Variants in ABHD2 observed in about 807,000 individuals in gnomAD.
ABHD2 encodes the protein abhydrolase domain containing 2, acylglycerol lipase, also known as monoacylglycerol lipase ABHD2.
In ABHD2, 20 loss-of-function variants were observed where a neutral mutation model predicts 48.1. The ratio of observed to expected loss-of-function variants is 0.42; its 90% CI spans 0.29 to 0.60. The LOEUF (loss-of-function observed/expected upper bound fraction) is 0.60. Among genes scored for constraint, ABHD2 ranks in the 20% least tolerant of loss-of-function variants. The pLI, the probability that ABHD2 is intolerant of heterozygous loss-of-function variation, is 0.24. For synonymous variants in ABHD2, 209 were observed against 214.2 expected (o/e 0.98, Z 0.21); for missense variants, 405 against 550.9 (o/e 0.74, Z 2.65).
the ABHD2 span, among the ~76,000 whole-genome samples, chr15:89,062,828 A>AG: frequency 1.1e-4 from 17 of 152,306 alleles, 1 homozygote; most frequent in East Asian, 2.9e-3. Flanking sequence ...GAGACGCTAA[A>AG]GCCGGCCTGT....
At chr15:89,159,446 C>G (rs1042554016) in intron 5 of ABHD2, among the ~76,000 whole-genome samples, 2 of 152,126 alleles carry the variant, frequency 1.3e-5, no homozygotes, top group African/African-American at 4.8e-5. Context: ...TGTGCTGCAG[C>G]AGCATGGAGA....
the ABHD2 span, among the ~76,000 whole-genome samples, chr15:89,059,522 G>A: frequency 6.6e-6 from 1 of 152,094 alleles, no homozygotes; most frequent in African/African-American, 2.4e-5. Context: ...CACAATGTTG[G>A]GCAGACAGTG....
rs1596160029 is a variant in ABHD2 at position 89,186,720 on chromosome 15, G to A, written c.815+1204G>A. 1.3e-5 allele frequency among the ~76,000 whole-genome samples: 2 copies of A among 152,042 alleles called. No homozygotes were observed. The highest frequency in any genetic ancestry group is 1.9e-4 in the East Asian group (1 of 5,198). ...CCCAGCACCCGAGACACACCCGTTC[G>A]CTCAAAAAAATTTGGGGGATTTTTG... On this transcript the variant is annotated intron_variant, in intron 7 of 10. Coordinates refer to ENST00000352732, the MANE Select transcript of ABHD2 (RefSeq NM_152924.5). This position sits in a 1 kb window ranked among gnomAD's most constrained non-coding sequence, Gnocchi z 4.3.
At chr15:89,171,182 T>G (rs939748842) in intron 5 of ABHD2, among the ~76,000 whole-genome samples, 2 of 152,160 alleles carry the variant, frequency 1.3e-5, no homozygotes, top group African/African-American at 4.8e-5. Context: ...CAAAGTGTGG[T>G]CTCTGGACCA....
At chr15:89,159,591 G>A (rs895187712) in intron 5 of ABHD2, among the ~76,000 whole-genome samples, 1 of 152,076 alleles carries the variant, frequency 6.6e-6, no homozygotes, top group African/African-American at 2.4e-5. Flanking sequence ...TGTAGACAGG[G>A]GAGTGCGCTA....
chr15:89,194,850 T>G (rs543088668), intron 10 of ABHD2, among the ~76,000 whole-genome samples: 1 of 152,304 alleles, frequency 6.6e-6, no homozygotes, highest in Non-Finnish European at 1.5e-5. Context: ...GGGAATTCCC[T>G]TCCCTCACTC....
intron 6 of ABHD2, among the ~76,000 whole-genome samples, chr15:89,178,352 G>A (rs1324786093): frequency 6.6e-6 from 1 of 152,106 alleles, no homozygotes; most frequent in Non-Finnish European, 1.5e-5. Context: ...TCCTGCCAAG[G>A]CTTGAGGGCG....
In ABHD2 at chr15:89,170,161, A is replaced by T. The variant is rs958603325; in HGVS notation, c.539-5651A>T. ...ACTCAGACTGGAGTGTAGTGGCACA[A>T]TCTTGGCTCACTGCAACCTCCCTTC... On this transcript the variant is annotated intron_variant, in intron 5 of 10. Transcript: ENST00000352732. 1.8e-4 allele frequency among the ~76,000 whole-genome samples: 23 copies of T among 125,152 alleles called. 1 individual carries two copies. In the Admixed American group the frequency reaches 2.5e-3, roughly 14 times the overall value. 82.1% of individuals were successfully genotyped at this position (125,152 alleles called of 152,430 possible).
rs2050852199 is a variant in ABHD2, at chr15:89,167,291, T to C, written c.539-8521T>C. ...TTGTATTCATAGTTATGAATTGTGT[T>C]GCCTCTGCATTAAACAGTTGAGTTT... On this transcript the variant is annotated intron_variant, in intron 5 of 10. Coordinates refer to ENST00000352732, the MANE Select transcript of ABHD2 (RefSeq NM_152924.5). This position sits in a 1 kb window ranked among gnomAD's most constrained non-coding sequence, Gnocchi z 5.5. Among the ~76,000 whole-genome samples the C allele has an allele frequency of 6.6e-6, 1 of 152,238 alleles. No homozygotes were observed. The highest frequency in any genetic ancestry group is 1.5e-5 in the Non-Finnish European group (1 of 68,042).
intron 5 of ABHD2, among the ~76,000 whole-genome samples, chr15:89,169,587 G>C (rs2050887904): frequency 6.6e-6 from 1 of 152,150 alleles, no homozygotes; most frequent in Admixed American, 6.5e-5. Flanking sequence ...AGAAACCTTA[G>C]GAAGCGGTGG....
chr15:89,101,080 A>C (rs1334004309), intron 1 of ABHD2, among the ~76,000 whole-genome samples: 2 of 152,172 alleles, frequency 1.3e-5, no homozygotes, highest in East Asian at 1.9e-4. Context: ...GAATGTCAAC[A>C]ATCAATGGGT....
chr15:89,043,812 A>G, the ABHD2 span, among the ~76,000 whole-genome samples: 86 of 152,190 alleles, frequency 5.7e-4, no homozygotes, highest in African/African-American at 2.0e-3. Flanking sequence ...AAGGTATATC[A>G]GCTTGGGATA....
chr15:89,108,282 C>T (rs1025013896), intron 1 of ABHD2, among the ~76,000 whole-genome samples: 23 of 152,144 alleles, frequency 1.5e-4, no homozygotes, highest in African/African-American at 4.6e-4. Flanking sequence ...TGCTTGTCTC[C>T]TCTTCTGATG....
chr15:89,121,273 G>A (rs1185577058), intron 3 of ABHD2, among the ~76,000 whole-genome samples: 2 of 152,028 alleles, frequency 1.3e-5, no homozygotes, highest in East Asian at 3.9e-4. Flanking sequence ...CCTTCAGCAC[G>A]GACATCTTCT....
chr15:89,173,583 G>T lies in ABHD2; in HGVS notation c.539-2229G>T, dbSNP rs58066134. Among the ~76,000 whole-genome samples the T allele has an allele frequency of 3.3e-5, 5 of 151,940 alleles. No individual in the cohort carries two copies. Among genetic ancestry groups the T allele is most frequent in the Non-Finnish European group, 7.4e-5 (5 of 68,010 alleles). On this transcript the variant is annotated intron_variant, in intron 5 of 10. Transcript: ENST00000352732. This position sits in a 1 kb window ranked among gnomAD's most constrained non-coding sequence, Gnocchi z 6.5. ...GCGAGACTCTGTCTCAAAAACAAAC[G>T]AACAAAAAGAAACTTGAATGAATCT...
rs1325272438 is a variant in ABHD2, at chr15:89,120,414, A to G, written c.194+3893A>G. Among the ~76,000 whole-genome samples the G allele has an allele frequency of 6.6e-6, 1 of 152,176 alleles. No homozygotes were observed. Among genetic ancestry groups the G allele is most frequent in the African/African-American group, 2.4e-5 (1 of 41,446 alleles). On this transcript the variant is annotated intron_variant, in intron 3 of 10. Coordinates refer to ENST00000352732, the MANE Select transcript of ABHD2 (RefSeq NM_152924.5). The surrounding 1 kb of genome is among the most constrained non-coding windows in gnomAD (Gnocchi z 4.2). ...TCTTTTTTTTTCAATAAAAACTTTG[A>G]TGCATATTCATTTTTTTAAATGGAA...
chr15:89,041,989 C>T, the ABHD2 span, among the ~76,000 whole-genome samples: 2 of 152,130 alleles, frequency 1.3e-5, no homozygotes, highest in African/African-American at 4.8e-5. Context: ...TTGGGAGGGG[C>T]GTCCATCTTT....
the ABHD2 span, among the ~76,000 whole-genome samples, chr15:89,077,618 C>T: frequency 6.6e-6 from 1 of 152,172 alleles, no homozygotes; most frequent in Non-Finnish European, 1.5e-5. Flanking sequence ...TAATCATATT[C>T]ACCCTGTGGA....
chr15:89,086,397 CTTAT>C (rs1901344290), upstream of ABHD2, among the ~76,000 whole-genome samples: 1 of 152,078 alleles, frequency 6.6e-6, no homozygotes, highest in Non-Finnish European at 1.5e-5. Context: ...ACATGCTTTA[CTTAT>C]TTATGTTTAT....
Sources: gnomAD v4.1 joint callset for allele counts (sites outside exome capture counted in the v4.1 genomes callset) on GRCh38, gnomAD v4.1.1 for gene constraint, Gnocchi (gnomAD v3.1) non-coding constraint, MANE v1.5 for transcripts, NCBI Gene and HGNC (gene_info 2026-07-23, HGNC 2026-07-21) for gene names.